BACH2: variants seen among roughly 807,000 people sequenced by gnomAD.
BACH2 encodes transcription regulator protein BACH2.
BACH2 carries 5 observed loss-of-function variants against 61.8 expected under a neutral mutation model. That is an observed-to-expected ratio of 0.08 (90% CI 0.04 to 0.17). The LOEUF (loss-of-function observed/expected upper bound fraction) is 0.17, where lower values mean the gene tolerates loss of function less well. BACH2 is among the 10% of genes least tolerant of loss of function. The probability of loss-of-function intolerance (pLI) is 1.00; values close to 1 mark genes in which losing one functional copy is unlikely to be tolerated. For missense variants in BACH2, 824 were observed against 1,091.1 expected, an observed-to-expected ratio of 0.76 and a Z score of 3.45; for synonymous variants, 446 against 440.1, an observed-to-expected ratio of 1.01 and a Z score of -0.17.
At chr6:90,058,655 C>G (rs541119046) in intron 5 of BACH2, among the ~76,000 whole-genome samples, 3 of 152,096 alleles carry the variant, frequency 2.0e-5, no homozygotes, top group Non-Finnish European at 2.9e-5. Context: ...AAAAAGAGCC[C>G]GCATCGCCAA....
At chr6:90,136,560 C>G (rs1272877896) in intron 4 of BACH2, among the ~76,000 whole-genome samples, 1 of 152,138 alleles carries the variant, frequency 6.6e-6, no homozygotes, top group Non-Finnish European at 1.5e-5. Flanking sequence ...TATTTACCTT[C>G]TCCTTATAAA....
At chr6:89,968,435 T>C (rs1278535833) in intron 6 of BACH2, among the ~76,000 whole-genome samples, 1 of 152,256 alleles carries the variant, frequency 6.6e-6, no homozygotes, top group Non-Finnish European at 1.5e-5. Context: ...AAAATCTGCA[T>C]TGTGATGAAA....
At chr6:90,207,645 C>T (rs536350568) in intron 3 of BACH2, among the ~76,000 whole-genome samples, 1 of 152,036 alleles carries the variant, frequency 6.6e-6, no homozygotes. Context: ...GGAGGTTTAA[C>T]TGGAACTGCA....
chr6:90,258,622 G>T (rs1235798283), intron 2 of BACH2, among the ~76,000 whole-genome samples: 3 of 152,178 alleles, frequency 2.0e-5, no homozygotes. Context: ...AATTTTGATA[G>T]AGATTGCACC....
intron 4 of BACH2, among the ~76,000 whole-genome samples, chr6:90,095,749 A>G (rs753108612): frequency 6.8e-6 from 1 of 147,052 alleles, no homozygotes; most frequent in Non-Finnish European, 1.5e-5. Flanking sequence ...TTGATACATC[A>G]TCACCATCAC....
chr6:90,145,426 A>ACTTAGG (rs1562472532), intron 4 of BACH2, among the ~76,000 whole-genome samples: 1 of 152,322 alleles, frequency 6.6e-6, no homozygotes, highest in East Asian at 1.9e-4. Flanking sequence ...TTGGAGATAA[A>ACTTAGG]CTTAGGAAGA....
intron 4 of BACH2, among the ~76,000 whole-genome samples, chr6:90,128,255 A>G (rs1262584215): frequency 6.6e-6 from 1 of 151,804 alleles, no homozygotes; most frequent in African/African-American, 2.4e-5. Flanking sequence ...GGCTTTGGGG[A>G]TTTTTTTTCC....
intron 4 of BACH2, among the ~76,000 whole-genome samples, chr6:90,161,788 C>A (rs1220824317): frequency 1.3e-5 from 2 of 152,176 alleles, no homozygotes; most frequent in African/African-American, 2.4e-5. Context: ...GCCCACAATG[C>A]CAGTGCCAAC....
At position 90,173,324 on chromosome 6, in the gene BACH2, A is replaced by G. The variant is rs139123283; in HGVS notation, c.-162+33245T>C. 3.6e-3 allele frequency among the ~76,000 whole-genome samples: 550 copies of G among 152,294 alleles called. 3 individuals carry two copies. The highest frequency in any genetic ancestry group is 0.012 in the African/African-American group (506 of 41,576). ...AATGACTGATTGAATTAAAAAATAG[A>G]CAACATATGTCCACACAGACTTGCA... On this transcript the variant is annotated intron_variant, in intron 4 of 8. Coordinates refer to ENST00000257749, the MANE Select transcript of BACH2 (RefSeq NM_021813.4).
At chr6:90,055,957 A>G (rs964662739) in intron 5 of BACH2, among the ~76,000 whole-genome samples, 3 of 152,214 alleles carry the variant, frequency 2.0e-5, no homozygotes, top group African/African-American at 7.2e-5. Flanking sequence ...GCCCTAAAAG[A>G]GCTCCTGCAG....
rs1261312831 is a variant in BACH2, at chr6:90,198,838, C to T, written c.-162+7731G>A. 3.3e-5 allele frequency among the ~76,000 whole-genome samples: 5 copies of T among 152,198 alleles called. No homozygotes were observed. The East Asian group carries it at 9.6e-4, about 29-fold the overall frequency. On this transcript the variant is annotated intron_variant, in intron 4 of 8. Coordinates refer to ENST00000257749, the MANE Select transcript of BACH2 (RefSeq NM_021813.4). The stretch of plus-strand genomic sequence containing the variant: ...CACCCAAATTTCAAACTGTAGCTCC[C>T]ATAATTCCCACATATCATAGGAGGG...
chr6:90,296,685 A>G lies in BACH2; in HGVS notation c.-651T>C, dbSNP rs1772411412. The G allele has an allele frequency of 6.5e-6, 1 of 154,504 alleles. No individual in the cohort carries two copies. Among genetic ancestry groups the G allele is most frequent in the Admixed American group, 6.6e-5 (1 of 15,258 alleles). 9.6% of individuals were successfully genotyped at this position (154,504 alleles called of 1,614,324 possible). A position where few individuals can be genotyped will look rare whatever the true frequency, so the allele number is the denominator to read the frequency against. ...AAGGGGCGAGGGGAGGCCGGGGGGAAAGCGAGAGCGGGGCGGCGGCGGGAG... is the reference window on the plus strand; with the variant it reads ...AAGGGGCGAGGGGAGGCCGGGGGGAGAGCGAGAGCGGGGCGGCGGCGGGAG... On this transcript the variant is annotated 5_prime_UTR_variant, in exon 1 of 9. Coordinates refer to ENST00000257749, the MANE Select transcript of BACH2 (RefSeq NM_021813.4).
At chr6:89,983,365 T>C (rs1043042324) in intron 6 of BACH2, among the ~76,000 whole-genome samples, 2 of 152,190 alleles carry the variant, frequency 1.3e-5, no homozygotes, top group Non-Finnish European at 2.9e-5. Flanking sequence ...TCACATGTTG[T>C]CTAATTAAAA....
chr6:90,114,538 T>C (rs1783312161), intron 4 of BACH2, among the ~76,000 whole-genome samples: 1 of 152,198 alleles, frequency 6.6e-6, no homozygotes, highest in South Asian at 2.1e-4. Flanking sequence ...GAGCCATCTA[T>C]GATAAACCCA....
intron 1 of BACH2, among the ~76,000 whole-genome samples, chr6:90,279,155 C>G (rs567936272): frequency 6.6e-6 from 1 of 151,908 alleles, no homozygotes; most frequent in Non-Finnish European, 1.5e-5. Context: ...GATTTCAAAC[C>G]ATTCTGAAAA....
At chr6:90,001,682 C>G (rs1306323779) in intron 6 of BACH2, among the ~76,000 whole-genome samples, 1 of 152,136 alleles carries the variant, frequency 6.6e-6, no homozygotes, top group Non-Finnish European at 1.5e-5. Flanking sequence ...TGGGACAAAG[C>G]ATAAAGAGCT....
At chr6:90,043,203 T>A (rs1323834435) in intron 5 of BACH2, among the ~76,000 whole-genome samples, 1 of 152,198 alleles carries the variant, frequency 6.6e-6, no homozygotes, top group African/African-American at 2.4e-5. Flanking sequence ...CTCACTGTTA[T>A]GGTTTGAATG....
At chr6:90,061,636 A>G (rs1249327930) in intron 5 of BACH2, among the ~76,000 whole-genome samples, 2 of 152,122 alleles carry the variant, frequency 1.3e-5, no homozygotes, top group Non-Finnish European at 2.9e-5. Flanking sequence ...ACATAGGGAC[A>G]GACTGAGCCT....
At chr6:90,133,690 C>T (rs938872616) in intron 4 of BACH2, among the ~76,000 whole-genome samples, 1 of 152,084 alleles carries the variant, frequency 6.6e-6, no homozygotes, top group Non-Finnish European at 1.5e-5. Context: ...ATCCCTCCAC[C>T]CTCCCCACAC....
Sources: allele counts gnomAD v4.1 joint callset (sites outside exome capture counted in the v4.1 genomes callset), GRCh38; gene constraint gnomAD v4.1.1; transcripts MANE v1.5; gene names NCBI Gene and HGNC (gene_info 2026-07-23, HGNC 2026-07-21).